The following PKHD1L1 variants were observed in gnomAD, a reference collection of about 807,000 sequenced individuals.
The protein encoded by PKHD1L1 is PKHD1 like 1.
A neutral mutation model predicts 462.9 loss-of-function variants in PKHD1L1; 434 were observed. The observed-to-expected ratio is 0.94, with a 90% CI of 0.87 to 1.02. The LOEUF (loss-of-function observed/expected upper bound fraction) is 1.02, where lower values mean the gene tolerates loss of function less well. Among genes scored for constraint, PKHD1L1 ranks in the 50% least tolerant of loss-of-function variants. The pLI, the probability that PKHD1L1 is intolerant of heterozygous loss-of-function variation, is 0.00. For missense variants in PKHD1L1, 5,202 were observed against 5,096.1 expected, an observed-to-expected ratio of 1.02 and a Z score of -0.63; for synonymous variants, 1,781 against 1,750.0, an observed-to-expected ratio of 1.02 and a Z score of -0.44.
At chr8:109,394,093 G>A (rs114593070) in intron 9 of PKHD1L1, among the ~76,000 whole-genome samples, 1,425 of 141,692 alleles carry the variant, frequency 0.01, 20 homozygotes, top group African/African-American at 0.036. Flanking sequence ...AGAATCCCTC[G>A]AACCCGGGAG....
chr8:109,467,592 C>A (rs1817515687), intron 50 of PKHD1L1, among the ~76,000 whole-genome samples: 1 of 152,058 alleles, frequency 6.6e-6, no homozygotes, highest in Non-Finnish European at 1.5e-5. Context: ...CTCTACCTGA[C>A]CTAACCTACC....
At chr8:109,487,244 C>T (rs1818573390) in intron 59 of PKHD1L1, among the ~76,000 whole-genome samples, 1 of 151,974 alleles carries the variant, frequency 6.6e-6, no homozygotes, top group Admixed American at 6.6e-5. Flanking sequence ...GTTTCACCTA[C>T]ACCTCCATCC....
At chr8:109,427,199 T>C in intron 25 of PKHD1L1, 43 bp downstream of exon 25, 1 of 1,444,168 alleles carries the variant, frequency 6.9e-7, no homozygotes, top group Non-Finnish European at 9.7e-7. Flanking sequence ...CTATGTGCTG[T>C]TTGCTTATTT....
At chr8:109,499,157 C>T in intron 67 of PKHD1L1, 1 of 174,442 alleles carries the variant, frequency 5.7e-6, no homozygotes, top group South Asian at 1.3e-4. Flanking sequence ...CAGCTATTGG[C>T]ACAGCTAGGA....
chr8:109,389,175 C>T (rs1447399075), intron 8 of PKHD1L1, 23 bp downstream of exon 8: 1 of 1,567,266 alleles, frequency 6.4e-7, no homozygotes, highest in Non-Finnish European at 8.8e-7. Context: ...CATCTTTCTT[C>T]ATAATGCTCA....
intron 50 of PKHD1L1, chr8:109,470,337 A>G (rs1178211081): frequency 6.6e-7 from 1 of 1,523,146 alleles, no homozygotes; most frequent in African/African-American, 1.4e-5. Flanking sequence ...TAGTTTGGAG[A>G]GAGAGTGAAG....
At chr8:109,429,193 T>C (rs949579204) in intron 25 of PKHD1L1, 147 bp from the exon 26 acceptor site, 1 of 717,184 alleles carries the variant, frequency 1.4e-6, no homozygotes, top group African/African-American at 1.9e-5. Context: ...TCCTTTTATT[T>C]AAAAAAAGTG....
At position 109,429,375 on chromosome 8, in the gene PKHD1L1, T is replaced by C. The variant is rs537750111; in HGVS notation, c.3036T>C (p.Asn1012=). The stretch of plus-strand genomic sequence containing the variant: ...CCAACATTATTGGAGAAAAGGCTAA[T>C]ATGACAGTTACAAGGATAAAGGAAG... ...NDSNIIGEKA[N]MTVTRIKEGG... Residue 1012 remains asparagine (N), a synonymous_variant, in exon 26 of 78, where the codon AAT becomes AAC. Transcript: ENST00000378402. The C allele has an allele frequency of 3.2e-6, 5 of 1,555,658 alleles. No homozygotes were observed. The Admixed American group carries it at 5.3e-5, about 17-fold the overall frequency.
In PKHD1L1 at chr8:109,535,638, T is replaced by C. The variant is rs1003584890; in HGVS notation, c.*5548T>C. ...GCAACAATCAAGACACATATCCTCC[T>C]AAGTGAATTTGAATTAGACACTGGA... On this transcript the variant is annotated 3_prime_UTR_variant, in exon 78 of 78. Coordinates refer to ENST00000378402, the MANE Select transcript of PKHD1L1 (RefSeq NM_177531.6). 6.6e-6 allele frequency among the ~76,000 whole-genome samples: 1 copy of C among 152,204 alleles called. No homozygotes were observed. The highest frequency in any genetic ancestry group is 1.5e-5 in the Non-Finnish European group (1 of 68,024).
At chr8:109,412,905 G>A (rs767825215) in intron 20 of PKHD1L1, among the ~76,000 whole-genome samples, 2 of 151,870 alleles carry the variant, frequency 1.3e-5, no homozygotes, top group African/African-American at 2.4e-5. Context: ...TCAAATTGTG[G>A]CACCTATCCT....
At chr8:109,427,204 T>A in intron 25 of PKHD1L1, 48 bp downstream of exon 25, 2 of 1,408,254 alleles carry the variant, frequency 1.4e-6, no homozygotes, top group Non-Finnish European at 2.0e-6. Context: ...TGCTGTTTGC[T>A]TATTTGGACC....
chr8:109,507,355 C>T (rs1414608514), intron 68 of PKHD1L1, among the ~76,000 whole-genome samples: 1 of 152,058 alleles, frequency 6.6e-6, no homozygotes, highest in Non-Finnish European at 1.5e-5. Context: ...GTGAACAATG[C>T]ACAAATAAGA....
chr8:109,484,085 C>T (rs1223404931), intron 57 of PKHD1L1, among the ~76,000 whole-genome samples: 2 of 151,784 alleles, frequency 1.3e-5, no homozygotes, highest in Non-Finnish European at 2.9e-5. Flanking sequence ...TTGGGCAAAT[C>T]AATGCAAATC....
chr8:109,382,909 C>T (rs973782445), intron 4 of PKHD1L1, among the ~76,000 whole-genome samples: 7 of 149,598 alleles, frequency 4.7e-5, no homozygotes, highest in Admixed American at 4.1e-4. Context: ...TTCCTTTCTA[C>T]GTAATTTCTA....
chr8:109,383,289 T>A (rs1287509806), intron 4 of PKHD1L1, among the ~76,000 whole-genome samples: 1 of 105,272 alleles, frequency 9.5e-6, no homozygotes, highest in Admixed American at 1.3e-4. Flanking sequence ...AATTATATAT[T>A]ATGTATAATT....
At position 109,492,074 on chromosome 8, in the gene PKHD1L1, A is replaced by C. The variant is rs1226448012; in HGVS notation, c.10236+80A>C. 2.6e-6 allele frequency: 3 copies of C among 1,145,120 alleles called. No individual in the cohort carries two copies. In the East Asian group the frequency reaches 8.4e-5, roughly 32 times the overall value. 70.9% of individuals were successfully genotyped at this position (1,145,120 alleles called of 1,614,324 possible). On this transcript the variant is annotated intron_variant, in intron 62 of 77. Transcript: ENST00000378402. ...AAATATCTAATAAAATGAGCTAACTAAAGGAGTGAATGCACTTTTAAAAAG... is the reference window on the plus strand; with the variant it reads ...AAATATCTAATAAAATGAGCTAACTCAAGGAGTGAATGCACTTTTAAAAAG...
intron 21 of PKHD1L1, among the ~76,000 whole-genome samples, chr8:109,413,899 C>T (rs1813991746): frequency 6.6e-6 from 1 of 151,482 alleles, no homozygotes; most frequent in African/African-American, 2.4e-5. Flanking sequence ...AGGCTTATCA[C>T]AATATAGTCA....
intron 38 of PKHD1L1, among the ~76,000 whole-genome samples, 153 bp from the exon 39 acceptor site, chr8:109,447,990 T>C (rs531608988): frequency 6.1e-4 from 93 of 152,330 alleles, no homozygotes; most frequent in African/African-American, 2.0e-3. Flanking sequence ...GTAGTCAAAA[T>C]GTATTGTATG....
chr8:109,524,538 G>A (rs1169800633), intron 76 of PKHD1L1, among the ~76,000 whole-genome samples: 4 of 152,040 alleles, frequency 2.6e-5, no homozygotes, highest in Admixed American at 2.6e-4. Flanking sequence ...AGTATCCAGT[G>A]GAAAAGAACC....
Sources: gnomAD v4.1 joint callset for allele counts (sites outside exome capture counted in the v4.1 genomes callset) on GRCh38, gnomAD v4.1.1 for gene constraint, MANE v1.5 for transcripts, NCBI Gene and HGNC (gene_info 2026-07-23, HGNC 2026-07-21) for gene names.